The following XYLT1 variants were observed in gnomAD, a reference collection of about 807,000 sequenced individuals.
XYLT1 encodes beta-D-xylosyltransferase 1.
In XYLT1, 36 loss-of-function variants were observed where a neutral mutation model predicts 91.3. That is an observed-to-expected ratio of 0.39 (90% confidence interval 0.30 to 0.52). XYLT1 has a LOEUF of 0.52. Among genes scored for constraint, XYLT1 ranks in the 20% least tolerant of loss-of-function variants. The probability of loss-of-function intolerance (pLI) is 0.68; values close to 1 mark genes in which losing one functional copy is unlikely to be tolerated. For missense variants in XYLT1, 1,242 were observed against 1,284.5 expected (o/e 0.97, Z 0.51); for synonymous variants, 588 against 532.0 (o/e 1.11, Z -1.45).
At chr16:17,378,301 C>CT (rs540574923) in intron 1 of XYLT1, among the ~76,000 whole-genome samples, 35 of 149,108 alleles carry the variant, frequency 2.3e-4, no homozygotes, top group East Asian at 9.8e-4. Flanking sequence ...TGTTCCAAGA[C>CT]TTTTTTTTTT....
At chr16:17,319,574 G>A (rs1178634772) in intron 2 of XYLT1, among the ~76,000 whole-genome samples, 5 of 151,922 alleles carry the variant, frequency 3.3e-5, no homozygotes, top group African/African-American at 4.8e-5. Flanking sequence ...TCCCAAATAG[G>A]TAGGATTACA....
intron 11 of XYLT1, among the ~76,000 whole-genome samples, chr16:17,114,526 C>A (rs1306928463): frequency 1.3e-5 from 2 of 152,164 alleles, no homozygotes; most frequent in East Asian, 3.9e-4. Flanking sequence ...TCACAGAAAT[C>A]TTCTGTGTTG....
At chr16:17,142,171 G>C (rs1426357852) in intron 6 of XYLT1, among the ~76,000 whole-genome samples, 1 of 152,144 alleles carries the variant, frequency 6.6e-6, no homozygotes, top group Admixed American at 6.5e-5. Flanking sequence ...TTACAGGCAT[G>C]CACCGCCATG....
At chr16:17,346,680 A>G (rs2035148260) in intron 2 of XYLT1, among the ~76,000 whole-genome samples, 1 of 152,328 alleles carries the variant, frequency 6.6e-6, no homozygotes, top group Non-Finnish European at 1.5e-5. Context: ...TCCTGCTCCC[A>G]TAACTGGTGC....
chr16:17,290,009 T>C (rs756786624), intron 2 of XYLT1, among the ~76,000 whole-genome samples: 2 of 152,246 alleles, frequency 1.3e-5, no homozygotes, highest in Non-Finnish European at 1.5e-5. Context: ...TAAAATGTTA[T>C]AATAGATTTC....
At chr16:17,178,766 G>T (rs1211574277) in intron 5 of XYLT1, among the ~76,000 whole-genome samples, 1 of 152,114 alleles carries the variant, frequency 6.6e-6, no homozygotes, top group Non-Finnish European at 1.5e-5. Flanking sequence ...TTACTATCTG[G>T]CCTTTTAATA....
At chr16:17,340,353 T>C (rs939097772) in intron 2 of XYLT1, among the ~76,000 whole-genome samples, 8 of 152,240 alleles carry the variant, frequency 5.3e-5, no homozygotes, top group Non-Finnish European at 1.2e-4. Context: ...AGCTCAGCTG[T>C]CTTTCACAGG....
intron 1 of XYLT1, among the ~76,000 whole-genome samples, chr16:17,375,324 G>C (rs1457901959): frequency 6.6e-6 from 1 of 151,870 alleles, no homozygotes; most frequent in African/African-American, 2.4e-5. Context: ...GCTAAGATTA[G>C]CTAATAACTC....
At chr16:17,326,325 C>T (rs2034801057) in intron 2 of XYLT1, among the ~76,000 whole-genome samples, 1 of 152,222 alleles carries the variant, frequency 6.6e-6, no homozygotes, top group Non-Finnish European at 1.5e-5. Flanking sequence ...TCCTCTCCCC[C>T]ATCCCGTGGT....
chr16:17,270,434 C>T (rs2033872221), intron 2 of XYLT1, among the ~76,000 whole-genome samples: 1 of 152,130 alleles, frequency 6.6e-6, no homozygotes, highest in Admixed American at 6.6e-5. Flanking sequence ...TCAGAGCACC[C>T]AAGGGACTGC....
At chr16:17,164,354 A>G (rs991928315) in intron 5 of XYLT1, among the ~76,000 whole-genome samples, 4 of 151,184 alleles carry the variant, frequency 2.6e-5, no homozygotes, top group African/African-American at 9.7e-5. Flanking sequence ...AGATCAGACG[A>G]GGTTGGGTGT....
At chr16:17,222,968 G>T (rs1044768687) in intron 3 of XYLT1, among the ~76,000 whole-genome samples, 7 of 151,182 alleles carry the variant, frequency 4.6e-5, no homozygotes, top group Admixed American at 2.6e-4. Context: ...CTGGGACTAG[G>T]CGCTGATGAA....
chr16:17,415,940 C>T (rs1174939287), intron 1 of XYLT1, among the ~76,000 whole-genome samples: 1 of 152,178 alleles, frequency 6.6e-6, no homozygotes, highest in African/African-American at 2.4e-5. Flanking sequence ...GAACAGCAAG[C>T]ATGAAGGTCC....
At chr16:17,239,172 T>C (rs1030247426) in intron 3 of XYLT1, among the ~76,000 whole-genome samples, 1 of 152,202 alleles carries the variant, frequency 6.6e-6, no homozygotes, top group Non-Finnish European at 1.5e-5. Flanking sequence ...TACTGGACTC[T>C]TCACTTGCAG....
chr16:17,247,909 A>G (rs1236972231), intron 3 of XYLT1, among the ~76,000 whole-genome samples: 1 of 152,190 alleles, frequency 6.6e-6, no homozygotes, highest in Non-Finnish European at 1.5e-5. Context: ...TGCTTTCCTG[A>G]TCCAAGATGA....
At chr16:17,463,448 T>C (rs1046666049) in intron 1 of XYLT1, among the ~76,000 whole-genome samples, 1 of 152,152 alleles carries the variant, frequency 6.6e-6, no homozygotes, top group Non-Finnish European at 1.5e-5. Context: ...GACATACGAA[T>C]GGCCAATGGA....
intron 1 of XYLT1, among the ~76,000 whole-genome samples, chr16:17,397,776 G>A (rs945371577): frequency 6.6e-6 from 1 of 151,632 alleles, no homozygotes; most frequent in Non-Finnish European, 1.5e-5. Context: ...ACAAACAGCG[G>A]AATGAGTCAT....
intron 2 of XYLT1, among the ~76,000 whole-genome samples, chr16:17,308,915 C>T (rs903067169): frequency 2.6e-5 from 4 of 151,474 alleles, no homozygotes; most frequent in South Asian, 2.1e-4. Context: ...CGCAAAATAG[C>T]GGATACTGTA....
At chr16:17,181,411 G>A (rs1306389003) in intron 5 of XYLT1, among the ~76,000 whole-genome samples, 3 of 152,186 alleles carry the variant, frequency 2.0e-5, no homozygotes, top group African/African-American at 7.2e-5. Flanking sequence ...GCCAGACCAT[G>A]TTTTTGTCCA....
Sources: gnomAD v4.1 joint callset for allele counts (sites outside exome capture counted in the v4.1 genomes callset) on GRCh38, gnomAD v4.1.1 for gene constraint, MANE v1.5 for transcripts, NCBI Gene and HGNC (gene_info 2026-07-23, HGNC 2026-07-21) for gene names.